Variants in INVS observed in about 807,000 individuals in gnomAD.
INVS encodes the protein inversin, also known as inversion of embryo turning homolog.
INVS carries 86 observed loss-of-function variants against 108.8 expected under a neutral mutation model. That is an observed-to-expected ratio of 0.79 (90% CI 0.66 to 0.95). The LOEUF (loss-of-function observed/expected upper bound fraction) is 0.95. INVS is among the 40% of genes least tolerant of loss of function. The probability of loss-of-function intolerance (pLI) is 0.00; values close to 1 mark genes in which losing one functional copy is unlikely to be tolerated. For missense variants in INVS, 1,169 were observed against 1,297.4 expected (o/e 0.90, Z 1.52); for synonymous variants, 455 against 473.5 (o/e 0.96, Z 0.51).
chr9:100,104,731 G>C, intron 2 of INVS, 104 bp downstream of exon 2: 2 of 766,790 alleles, frequency 2.6e-6, no homozygotes, highest in East Asian at 2.6e-5. Flanking sequence ...CATTTTAATG[G>C]AAATATGTTA....
At chr9:100,233,603 C>T (rs943667993) in intron 5 of INVS, among the ~76,000 whole-genome samples, 3 of 152,090 alleles carry the variant, frequency 2.0e-5, no homozygotes, top group Non-Finnish European at 4.4e-5. Context: ...TTATCAAAGG[C>T]CTTTTCTGCA....
In INVS at chr9:100,229,825, C is replaced by T; in HGVS notation, c.613C>T (p.Leu205=). The part of the protein sequence containing the change: ...PSAVHTVRCI[L]DAAPTESLLN... ...TGCTGTTCACACAGTGAGATGCATTCTGGTGAGTTGAATGGTACTGCTAGA... is the reference window on the plus strand; with the variant it reads ...TGCTGTTCACACAGTGAGATGCATTTTGGTGAGTTGAATGGTACTGCTAGA... Residue 205 remains leucine (L), a splice_region_variant and synonymous_variant, in exon 5 of 17, where the codon CTG becomes TTG. Transcript: ENST00000262457. 1 of 1,614,008 alleles carries T rather than the reference C, an allele frequency of 6.2e-7. No individual in the cohort carries two copies. The highest frequency in any genetic ancestry group is 8.5e-7 in the Non-Finnish European group (1 of 1,179,934).
chr9:100,099,599 C>T (rs978282534), intron 1 of INVS, among the ~76,000 whole-genome samples, 183 bp downstream of exon 1: 5 of 152,344 alleles, frequency 3.3e-5, no homozygotes, highest in South Asian at 2.1e-4. Context: ...AGCCACCACT[C>T]GGGGCCTCAG....
chr9:100,106,271 T>C (rs1827176752), intron 2 of INVS, among the ~76,000 whole-genome samples: 1 of 152,206 alleles, frequency 6.6e-6, no homozygotes, highest in Non-Finnish European at 1.5e-5. Flanking sequence ...GGCCAGTTCT[T>C]CCACACATGC....
rs772135230 is a variant in INVS at position 100,252,933 on chromosome 9, C to T, written c.1261C>T (p.Gln421Ter). ...TGGAGCAAGGGTAGATCTAGTTGAC[C>T]AAGATGGACATTCTCTTCTACATTG... ...KGGARVDLVDQDGHSLLHWAA... is the reference protein window; with the variant it reads ...KGGARVDLVD The change falls in exon 10 of 17, where the codon CAA becomes TAA. Residue 421 changes from glutamine (Q) to a stop codon, truncating the protein, a stop_gained. Transcript: ENST00000262457. LOFTEE classifies it high-confidence loss of function. The T allele has an allele frequency of 1.2e-6, 2 of 1,613,494 alleles. No homozygotes were observed. Among genetic ancestry groups the T allele is most frequent in the South Asian group, 2.2e-5 (2 of 91,040 alleles).
At chr9:100,138,230 A>ACC (rs1382726965) in intron 3 of INVS, among the ~76,000 whole-genome samples, 2 of 151,784 alleles carry the variant, frequency 1.3e-5, no homozygotes, top group Non-Finnish European at 2.9e-5. Flanking sequence ...ATGTGGTGAA[A>ACC]CCCCATCTCT....
At chr9:100,114,946 A>G (rs1025680384) in intron 2 of INVS, among the ~76,000 whole-genome samples, 6 of 152,244 alleles carry the variant, frequency 3.9e-5, no homozygotes, top group African/African-American at 1.4e-4. Context: ...TCATGCTTTT[A>G]TTTCTCCTGA....
At chr9:100,262,208 G>T in intron 10 of INVS, among the ~76,000 whole-genome samples, 1 of 150,196 alleles carries the variant, frequency 6.7e-6, no homozygotes. Context: ...TAGTTGCAAG[G>T]TTTTGGTAGC....
intron 12 of INVS, among the ~76,000 whole-genome samples, chr9:100,277,064 C>A (rs926611699): frequency 2.6e-5 from 4 of 152,108 alleles, no homozygotes; most frequent in African/African-American, 9.7e-5. Context: ...ATGCTTAAGT[C>A]CCTTCTACGA....
chr9:100,260,733 G>A (rs112383503), intron 10 of INVS, among the ~76,000 whole-genome samples: 43 of 152,186 alleles, frequency 2.8e-4, no homozygotes, highest in African/African-American at 9.4e-4. Flanking sequence ...AACAACAGTG[G>A]GGGAAGCTTG....
chr9:100,214,501 C>T (rs886898484), intron 3 of INVS, among the ~76,000 whole-genome samples: 5 of 152,226 alleles, frequency 3.3e-5, no homozygotes, highest in African/African-American at 1.2e-4. Context: ...GTCTAAGCCA[C>T]ATGGGCAGTA....
chr9:100,169,929 C>T (rs1425261025), intron 3 of INVS, among the ~76,000 whole-genome samples: 3 of 152,100 alleles, frequency 2.0e-5, no homozygotes, highest in Non-Finnish European at 2.9e-5. Flanking sequence ...TCTCATTGGG[C>T]CCTTCAAACC....
At chr9:100,166,821 AAT>A (rs1829377751) in intron 3 of INVS, among the ~76,000 whole-genome samples, 1 of 152,206 alleles carries the variant, frequency 6.6e-6, no homozygotes, top group Non-Finnish European at 1.5e-5. Flanking sequence ...GGATAATTAT[AAT>A]AGTGTCCTAA....
At chr9:100,154,598 A>G (rs1026157065) in intron 3 of INVS, among the ~76,000 whole-genome samples, 1 of 152,110 alleles carries the variant, frequency 6.6e-6, no homozygotes, top group African/African-American at 2.4e-5. Flanking sequence ...ATCTGGAATG[A>G]AAAAAGCAAG....
chr9:100,173,781 A>G (rs938600151), intron 3 of INVS, among the ~76,000 whole-genome samples: 1 of 152,144 alleles, frequency 6.6e-6, no homozygotes, highest in Non-Finnish European at 1.5e-5. Flanking sequence ...AGAGAAATTC[A>G]TATAAGGGAA....
At chr9:100,226,600 T>G (rs10819741) in intron 4 of INVS, among the ~76,000 whole-genome samples, 26,886 of 151,716 alleles carry the variant, frequency 0.18, 3,616 homozygotes, top group African/African-American at 0.38. Context: ...ATCAGCTGAG[T>G]TCAGGGGTTC....
At chr9:100,163,764 T>A (rs1219344199) in intron 3 of INVS, among the ~76,000 whole-genome samples, 1 of 152,152 alleles carries the variant, frequency 6.6e-6, no homozygotes, top group Non-Finnish European at 1.5e-5. Flanking sequence ...AAGTGCAAGG[T>A]CCAGAAATGG....
At chr9:100,238,378 CT>C (rs1312533450) in intron 5 of INVS, among the ~76,000 whole-genome samples, 2 of 152,070 alleles carry the variant, frequency 1.3e-5, no homozygotes, top group East Asian at 3.9e-4. Flanking sequence ...TCTCAGGCTG[CT>C]TTTACATTTT....
At chr9:100,105,051 G>A (rs1827129271) in intron 2 of INVS, among the ~76,000 whole-genome samples, 1 of 152,078 alleles carries the variant, frequency 6.6e-6, no homozygotes, top group African/African-American at 2.4e-5. Context: ...GTGATATATA[G>A]AGAGGTCCAA....
Sources: allele counts gnomAD v4.1 joint callset (sites outside exome capture counted in the v4.1 genomes callset), GRCh38; gene constraint gnomAD v4.1.1; transcripts MANE v1.5; gene names NCBI Gene and HGNC (gene_info 2026-07-23, HGNC 2026-07-21).